The following DNAH14 variants were observed in gnomAD, a reference collection of about 807,000 sequenced individuals.
The protein encoded by DNAH14 is axonemal beta dynein heavy chain 14.
In DNAH14, 478 loss-of-function variants were observed where a neutral mutation model predicts 520.9. That is an observed-to-expected ratio of 0.92 (90% CI 0.85 to 0.99). DNAH14 has a LOEUF of 0.99. Ranked by LOEUF, DNAH14 falls within the 50% of genes least tolerant of loss-of-function variation. The pLI, the probability that DNAH14 is intolerant of heterozygous loss-of-function variation, is 0.00. For missense variants in DNAH14, 4,831 were observed against 5,234.5 expected (o/e 0.92, Z 2.38); for synonymous variants, 1,581 against 1,757.2 (o/e 0.90, Z 2.51).
At position 225,324,227 on chromosome 1, in the gene DNAH14, C is replaced by T. The variant is rs1200023691; in HGVS notation, c.9501C>T (p.Phe3167=). ...LDKDSIPDKV[F]VKLKKIVTLP... ...ATTAACTGTGTTCTCTCTAGGTTTTCGTGAAGCTAAAAAAAATTGTAACCT... is the reference window on the plus strand; with the variant it reads ...ATTAACTGTGTTCTCTCTAGGTTTTTGTGAAGCTAAAAAAAATTGTAACCT... The change falls in exon 63 of 86, where the codon TTC becomes TTT. Residue 3167 remains phenylalanine, a synonymous_variant. Transcript: ENST00000682510. The T allele has an allele frequency of 7.7e-6, 12 of 1,551,518 alleles. No homozygotes were observed. Among genetic ancestry groups the T allele is most frequent in the Middle Eastern group, 1.7e-4 (1 of 6,014 alleles).
chr1:225,170,249 C>G (rs1051103375), intron 36 of DNAH14, among the ~76,000 whole-genome samples: 21 of 152,268 alleles, frequency 1.4e-4, no homozygotes, highest in African/African-American at 4.6e-4. Context: ...ATAATAACAG[C>G]ATCAAATTCA....
Position 225,290,643 on chromosome 1 carries a change from GTGTGTATATATA to G in DNAH14, c.8469+563_8469+574del, listed in dbSNP as rs1333190964. Among the ~76,000 whole-genome samples, 392 of 51,142 alleles carry G rather than the reference GTGTGTATATATA, an allele frequency of 7.7e-3. 5 individuals carry two copies. Among genetic ancestry groups the G allele is most frequent in the Admixed American group, 0.011 (44 of 3,830 alleles). 33.6% of individuals were successfully genotyped at this position (51,142 alleles called of 152,430 possible). A position where few individuals can be genotyped will look rare whatever the true frequency, so the allele number is the denominator to read the frequency against. On this transcript the variant is annotated intron_variant, in intron 55 of 85. Transcript: ENST00000682510. ...TGTGTATAGATATATGTGTGTGTGTGTGTGTATATATATATATATATATATATATATATATAT... is the reference window on the plus strand; with the variant it reads ...TGTGTATAGATATATGTGTGTGTGTGTATATATATATATATATATATATAT...
In DNAH14 at chr1:225,340,668, G is replaced by GA. The variant is rs1341603583; in HGVS notation, c.10651dup (p.Thr3551AsnfsTer15). On this transcript the variant is annotated frameshift_variant, in exon 69 of 86. Coordinates refer to ENST00000682510, the MANE Select transcript of DNAH14 (RefSeq NM_001367479.1). LOFTEE classifies it high-confidence loss of function. ...TGCCATAACTCTTGAAGAACTAGAG[G>GA]AAAAAACATTAAATTTACTGCAGAA... is the stretch of plus-strand genomic sequence containing the variant. 7.7e-6 allele frequency: 12 copies of GA among 1,551,038 alleles called. No individual in the cohort carries two copies. In the South Asian group the frequency reaches 1.2e-4, roughly 15 times the overall value.
intron 43 of DNAH14, among the ~76,000 whole-genome samples, chr1:225,242,715 C>A (rs983447835): frequency 6.6e-6 from 1 of 152,140 alleles, no homozygotes; most frequent in Non-Finnish European, 1.5e-5. Context: ...AAACCAGTAA[C>A]GTAGTCATTT....
intron 41 of DNAH14, among the ~76,000 whole-genome samples, chr1:225,212,335 T>C (rs974414701): frequency 6.6e-6 from 1 of 152,098 alleles, no homozygotes; most frequent in African/African-American, 2.4e-5. Flanking sequence ...TTCCAACTCT[T>C]TGAGATTGTG....
At position 224,994,358 on chromosome 1, in the gene DNAH14, A is replaced by T. The variant is rs189926547; in HGVS notation, c.831-8425A>T. ...TTTGCTTGATATATTTAAGGTCTCAAATGTTGGGTGTGTATATAGTTATGA... is the reference window on the plus strand; with the variant it reads ...TTTGCTTGATATATTTAAGGTCTCATATGTTGGGTGTGTATATAGTTATGA... On this transcript the variant is annotated intron_variant, in intron 8 of 85. Transcript: ENST00000682510. 5.3e-5 allele frequency among the ~76,000 whole-genome samples: 8 copies of T among 151,988 alleles called. 1 individual carries two copies.
chr1:225,305,562 G>C (rs758709358), intron 58 of DNAH14, among the ~76,000 whole-genome samples: 9 of 152,178 alleles, frequency 5.9e-5, no homozygotes, highest in Non-Finnish European at 1.3e-4. Context: ...GAGACATTGA[G>C]AAACTATCTT....
intron 34 of DNAH14, 40 bp downstream of exon 34, chr1:225,153,866 A>G: frequency 7.0e-7 from 1 of 1,434,906 alleles, no homozygotes; most frequent in Non-Finnish European, 9.5e-7. Context: ...AGGGAGTTAT[A>G]TACTGCTGGG....
chr1:225,021,110 A>G (rs1297583889), intron 10 of DNAH14, among the ~76,000 whole-genome samples: 1 of 152,222 alleles, frequency 6.6e-6, no homozygotes, highest in Admixed American at 6.5e-5. Flanking sequence ...CCTGCATGTT[A>G]AAAACTCTCA....
At chr1:225,380,060 T>A in intron 79 of DNAH14, 99 bp from the exon 80 acceptor site, 6 of 1,282,138 alleles carry the variant, frequency 4.7e-6, no homozygotes, top group Non-Finnish European at 6.4e-6. Context: ...CTAAACATAT[T>A]CCTCCTGTCT....
In DNAH14 at chr1:225,327,491, C is replaced by A. The variant is rs2094702076; in HGVS notation, c.9723+2659C>A. Among the ~76,000 whole-genome samples, 3 of 151,972 alleles carry A rather than the reference C, an allele frequency of 2.0e-5. No individual in the cohort carries two copies. The South Asian group carries it at 6.2e-4, about 31-fold the overall frequency. ...ACTCATTCTTAAACAGCCAGTGGGT[C>A]ACAGAAGAAATCACAAGAGAAATCA... On this transcript the variant is annotated intron_variant, in intron 64 of 85. Coordinates refer to ENST00000682510, the MANE Select transcript of DNAH14 (RefSeq NM_001367479.1).
chr1:225,274,869 G>A (rs925868643), intron 52 of DNAH14, among the ~76,000 whole-genome samples: 5 of 151,996 alleles, frequency 3.3e-5, no homozygotes, highest in East Asian at 3.9e-4. Flanking sequence ...TCACTTAATC[G>A]GTCAGTTGAT....
intron 68 of DNAH14, chr1:225,338,401 C>T (rs12408441): frequency 0.23 from 158,903 of 685,000 alleles, 19,272 homozygotes; most frequent in East Asian, 0.34. Flanking sequence ...ACTTTTCAAA[C>T]TGTGCATGAT....
At chr1:225,279,436 G>C (rs2149903477) in intron 54 of DNAH14, among the ~76,000 whole-genome samples, 1 of 152,290 alleles carries the variant, frequency 6.6e-6, no homozygotes, top group Non-Finnish European at 1.5e-5. Context: ...AGCTTCTGCA[G>C]GGAGAAGCAA....
intron 17 of DNAH14, among the ~76,000 whole-genome samples, chr1:225,052,574 T>C (rs2068645427): frequency 1.3e-5 from 2 of 152,134 alleles, no homozygotes; most frequent in Non-Finnish European, 2.9e-5. Flanking sequence ...AATATAACCA[T>C]GAGAGGGATA....
chr1:225,171,462 CA>C (rs1472791548), intron 36 of DNAH14, among the ~76,000 whole-genome samples: 1 of 152,144 alleles, frequency 6.6e-6, no homozygotes, highest in African/African-American at 2.4e-5. Context: ...CGCAGAAATA[CA>C]AACTACCATC....
intron 27 of DNAH14, among the ~76,000 whole-genome samples, chr1:225,126,054 G>T (rs928538159): frequency 6.6e-6 from 1 of 152,104 alleles, no homozygotes. Context: ...AATTAAGTTT[G>T]CTGTCTTACA....
intron 10 of DNAH14, among the ~76,000 whole-genome samples, chr1:225,012,295 A>T (rs559121913): frequency 6.6e-6 from 1 of 152,132 alleles, no homozygotes; most frequent in South Asian, 2.1e-4. Flanking sequence ...CTATTCTAGC[A>T]TGTAGAGTTT....
intron 21 of DNAH14, among the ~76,000 whole-genome samples, chr1:225,095,680 T>C (rs1437978964): frequency 6.6e-6 from 1 of 152,212 alleles, no homozygotes; most frequent in Non-Finnish European, 1.5e-5. Flanking sequence ...TATTGATATA[T>C]GTAACAATAC....
Sources: allele counts gnomAD v4.1 joint callset (sites outside exome capture counted in the v4.1 genomes callset), GRCh38; gene constraint gnomAD v4.1.1; transcripts MANE v1.5; gene names NCBI Gene and HGNC (gene_info 2026-07-23, HGNC 2026-07-21).